Variants in UFD1 observed in about 807,000 individuals in gnomAD.
UFD1 encodes ubiquitin recognition factor in ER-associated degradation protein 1.
Under a neutral mutation model 45.9 loss-of-function variants are expected in UFD1, and 13 were observed. The ratio of observed to expected loss-of-function variants is 0.28; its 90% CI spans 0.18 to 0.45. UFD1 has a LOEUF of 0.45. Among genes scored for constraint, UFD1 ranks in the 20% least tolerant of loss-of-function variants. UFD1 has a pLI of 1.00. For missense variants in UFD1, 218 were observed against 389.2 expected, an observed-to-expected ratio of 0.56 and a Z score of 3.70; for synonymous variants, 128 against 139.2, an observed-to-expected ratio of 0.92 and a Z score of 0.56.
chr22:19,454,775 G>A lies in UFD1; in HGVS notation c.823C>T (p.Arg275Cys). 1 of 1,614,032 alleles carries A rather than the reference G, an allele frequency of 6.2e-7. No individual in the cohort carries two copies. The highest frequency in any genetic ancestry group is 8.5e-7 in the Non-Finnish European group (1 of 1,179,980). The stretch of plus-strand genomic sequence containing the variant: ...TCTTCAACCTTTTTGACAAGGGGAC[G>A]TGAATTTCTGATGAAAGTTATCTTA... ...LGKITFIRNS[R>C]PLVKKVEEDE... Residue 275 changes from arginine (R) to cysteine (C), a missense_variant, in exon 11 of 12, where the codon CGT becomes TGT. By Grantham distance (180) the Arg-to-Cys change is radical (BLOSUM62 -3). Around this residue, in one of 2 missense-constraint regions of UFD1, gnomAD observed 69 missense variants for 81.7 expected, o/e 0.84. Transcript: ENST00000263202.
intron 3 of UFD1, among the ~76,000 whole-genome samples, chr22:19,472,320 G>A (rs1411497481): frequency 2.0e-5 from 3 of 152,204 alleles, no homozygotes; most frequent in African/African-American, 7.2e-5. Context: ...GAAGGGAAGA[G>A]GAGCCCAGGC....
intron 11 of UFD1, chr22:19,453,813 C>T (rs2089700993): frequency 7.1e-6 from 7 of 985,422 alleles, no homozygotes; most frequent in Non-Finnish European, 8.4e-6. Flanking sequence ...TCCCATGTAG[C>T]AGCTGGTCCT....
chr22:19,450,831 C>T, intron 11 of UFD1, 87 bp from the exon 12 acceptor site: 3 of 1,600,424 alleles, frequency 1.9e-6, no homozygotes, highest in Non-Finnish European at 2.6e-6. Context: ...GTACCATCCA[C>T]ATTACTCATA....
intron 1 of UFD1, 130 bp from the exon 2 acceptor site, chr22:19,475,732 T>G: frequency 8.7e-7 from 1 of 1,146,280 alleles, no homozygotes; most frequent in South Asian, 1.5e-5. Context: ...ATCTTCAATG[T>G]AATCTTACTA....
chr22:19,458,438 CTATT>C (rs1217712096), intron 6 of UFD1, among the ~76,000 whole-genome samples: 1 of 152,126 alleles, frequency 6.6e-6, no homozygotes, highest in African/African-American at 2.4e-5. Flanking sequence ...TGGAACTTTA[CTATT>C]TATTTTATTT....
intron 4 of UFD1, chr22:19,469,891 A>G: frequency 1.9e-6 from 1 of 516,192 alleles, no homozygotes; most frequent in South Asian, 1.4e-5. Flanking sequence ...GGTCTAAAGC[A>G]GTCCAACAGC....
intron 3 of UFD1, among the ~76,000 whole-genome samples, chr22:19,474,150 T>G (rs543266655): frequency 1.3e-5 from 2 of 152,244 alleles, no homozygotes; most frequent in East Asian, 3.9e-4. Flanking sequence ...ATCTCACTCC[T>G]GGTAAGAGGC....
intron 6 of UFD1, among the ~76,000 whole-genome samples, chr22:19,459,680 T>C (rs1319209659): frequency 6.6e-6 from 1 of 151,042 alleles, no homozygotes; most frequent in African/African-American, 2.4e-5. Flanking sequence ...AGTGGCCCTA[T>C]CTACTTTTTC....
At chr22:19,476,972 A>C (rs1213666130) in intron 1 of UFD1, among the ~76,000 whole-genome samples, 1 of 136,144 alleles carries the variant, frequency 7.3e-6, no homozygotes, top group East Asian at 2.1e-4. Flanking sequence ...GTGCCACTGC[A>C]CTCCAGCCTG....
chr22:19,461,109 G>A (rs1223758813), intron 6 of UFD1, among the ~76,000 whole-genome samples: 1 of 152,106 alleles, frequency 6.6e-6, no homozygotes, highest in Admixed American at 6.5e-5. Context: ...TCATGTAAGC[G>A]GAATGTAGTA....
chr22:19,459,876 C>T (rs962525879), intron 6 of UFD1, among the ~76,000 whole-genome samples: 3 of 151,256 alleles, frequency 2.0e-5, no homozygotes, highest in African/African-American at 7.3e-5. Context: ...GTAACTGGGA[C>T]TACAGGTGCG....
chr22:19,455,899 C>T, intron 9 of UFD1, 131 bp from the exon 10 acceptor site: 1 of 768,386 alleles, frequency 1.3e-6, no homozygotes, highest in Non-Finnish European at 2.2e-6. Context: ...GCCCTGACTC[C>T]TCAACTGCTG....
chr22:19,458,562 G>A (rs913437214), intron 6 of UFD1, among the ~76,000 whole-genome samples: 10 of 152,280 alleles, frequency 6.6e-5, no homozygotes, highest in African/African-American at 2.4e-4. Flanking sequence ...TCCTGCCTCA[G>A]CCTCCCTAGT....
intron 6 of UFD1, among the ~76,000 whole-genome samples, chr22:19,459,442 G>A (rs2089748433): frequency 6.6e-6 from 1 of 152,088 alleles, no homozygotes; most frequent in Admixed American, 6.5e-5. Flanking sequence ...GTGAAGACCC[G>A]TCTCTACTAA....
chr22:19,454,388 A>G (rs1172792918), intron 11 of UFD1: 1 of 918,046 alleles, frequency 1.1e-6, no homozygotes, highest in Non-Finnish European at 1.3e-6. Flanking sequence ...AGTCGGTGGG[A>G]GGTAACTGAG....
chr22:19,457,837 C>T (rs879441710), intron 7 of UFD1, among the ~76,000 whole-genome samples: 3 of 152,094 alleles, frequency 2.0e-5, no homozygotes, highest in Admixed American at 6.6e-5. Flanking sequence ...ATTCACTCCT[C>T]AACGGGTCAG....
chr22:19,475,662 C>T (rs373956755), intron 1 of UFD1, 60 bp from the exon 2 acceptor site: 22 of 1,582,146 alleles, frequency 1.4e-5, no homozygotes, highest in East Asian at 1.1e-4. Context: ...ATGTCAAAAG[C>T]CAAAACATGT....
chr22:19,463,207 C>T (rs1323842706), intron 6 of UFD1, among the ~76,000 whole-genome samples: 1 of 152,202 alleles, frequency 6.6e-6, no homozygotes, highest in Non-Finnish European at 1.5e-5. Flanking sequence ...TTGCAATGGG[C>T]ATGTTTGACT....
chr22:19,469,986 C>T (rs1421956591), intron 4 of UFD1: 7 of 518,672 alleles, frequency 1.3e-5, no homozygotes, highest in South Asian at 4.2e-5. Flanking sequence ...TCACCACCTC[C>T]TCTTATAGGT....
Sources: gnomAD v4.1 joint callset for allele counts (sites outside exome capture counted in the v4.1 genomes callset) on GRCh38, gnomAD v4.1.1 for gene constraint, gnomAD v4.1.1 regional missense constraint, MANE v1.5 for transcripts, NCBI Gene and HGNC (gene_info 2026-07-23, HGNC 2026-07-21) for gene names.